The following GRIK4 variants were observed in gnomAD, a reference collection of about 807,000 sequenced individuals.
GRIK4 encodes glutamate receptor ionotropic, kainate 4.
A neutral mutation model predicts 104.9 loss-of-function variants in GRIK4; 40 were observed. The observed-to-expected ratio is 0.38, with a 90% confidence interval of 0.30 to 0.50. GRIK4 has a LOEUF of 0.50. Among genes scored for constraint, GRIK4 ranks in the 20% least tolerant of loss-of-function variants. The pLI is 0.93. For missense variants in GRIK4, 1,047 were observed against 1,308.1 expected (o/e 0.80, Z 3.08); for synonymous variants, 485 against 524.9 (o/e 0.92, Z 1.04).
In GRIK4 at chr11:120,704,739, T is replaced by C. The variant is rs569338375; in HGVS notation, c.82+44339T>C. 2.0e-5 allele frequency among the ~76,000 whole-genome samples: 3 copies of C among 152,268 alleles called. No homozygotes were observed. The South Asian group carries it at 6.2e-4, about 32-fold the overall frequency. On this transcript the variant is annotated intron_variant, in intron 3 of 20. Transcript: ENST00000527524. ...TGTACAACATAACTCTGCAAACTTT[T>C]TTTTTTTTTTGTAAAGGACCAAAGA...
At chr11:120,580,243 CTTT>C (rs1948557302) in intron 1 of GRIK4, among the ~76,000 whole-genome samples, 1 of 132,112 alleles carries the variant, frequency 7.6e-6, no homozygotes, top group African/African-American at 3.1e-5. Flanking sequence ...TTCTTTCTTT[CTTT>C]CTTTCTTTTT....
At chr11:120,585,323 C>T (rs1425064368) in intron 1 of GRIK4, among the ~76,000 whole-genome samples, 1 of 150,402 alleles carries the variant, frequency 6.6e-6, no homozygotes, top group Non-Finnish European at 1.5e-5. Context: ...TCTTTTCATT[C>T]TCTCTCTCCC....
chr11:120,590,898 A>T (rs1008314354), intron 1 of GRIK4, among the ~76,000 whole-genome samples: 2 of 152,104 alleles, frequency 1.3e-5, no homozygotes, highest in Non-Finnish European at 2.9e-5. Flanking sequence ...TTGAGGGTTA[A>T]GGGACTTAAC....
At chr11:120,919,678 C>T (rs149989811) in intron 13 of GRIK4, among the ~76,000 whole-genome samples, 1 of 152,122 alleles carries the variant, frequency 6.6e-6, no homozygotes, top group Non-Finnish European at 1.5e-5. Context: ...GCAAAGAGAC[C>T]AGTGCAGAAG....
At chr11:120,981,710 A>G (rs1944655544) in intron 19 of GRIK4, among the ~76,000 whole-genome samples, 1 of 152,184 alleles carries the variant, frequency 6.6e-6, no homozygotes, top group Non-Finnish European at 1.5e-5. Context: ...CAATGTTAGG[A>G]AGATTGAGTA....
rs956822091 is a variant in GRIK4 at position 120,881,780 on chromosome 11, C to T, written c.1164+6537C>T. The stretch of plus-strand genomic sequence containing the variant: ...CACAGAGGCAGCTCTGCCCCCTTTC[C>T]GGGGGAGTTGGGATCCTCCTGCGTT... On this transcript the variant is annotated intron_variant, in intron 11 of 20. Transcript: ENST00000527524. Among the ~76,000 whole-genome samples, 7 of 152,286 alleles carry T rather than the reference C, an allele frequency of 4.6e-5. No individual in the cohort carries two copies. The South Asian group carries it at 1.0e-3, about 23-fold the overall frequency.
At chr11:120,960,812 G>A (rs1408710612) in intron 16 of GRIK4, 97 bp from the exon 17 acceptor site, 19 of 887,930 alleles carry the variant, frequency 2.1e-5, no homozygotes, top group East Asian at 5.1e-5. Context: ...TAAGAAAGAT[G>A]CCTGGTCTCT....
Position 120,744,670 on chromosome 11 carries a change from G to T in GRIK4, c.83-58023G>T, listed in dbSNP as rs75592786. ...AAGTGTGGGGCAGTGCAGGGAAGAA[G>T]AGGTGGCATTTGTATAAAAAGACTC... On this transcript the variant is annotated intron_variant, in intron 3 of 20. Transcript: ENST00000527524. Among the ~76,000 whole-genome samples, 220 of 152,298 alleles carry T rather than the reference G, an allele frequency of 1.4e-3. 2 individuals carry two copies. Among genetic ancestry groups the T allele is most frequent in the African/African-American group, 5.0e-3 (208 of 41,554 alleles).
chr11:120,878,667 G>A (rs773880992), intron 11 of GRIK4, among the ~76,000 whole-genome samples: 1 of 145,892 alleles, frequency 6.9e-6, no homozygotes, highest in Non-Finnish European at 1.5e-5. Flanking sequence ...TTCCCTGTCT[G>A]GTTTAGGTGC....
At chr11:120,839,720 C>T (rs529487075) in intron 8 of GRIK4, among the ~76,000 whole-genome samples, 7 of 152,226 alleles carry the variant, frequency 4.6e-5, no homozygotes, top group South Asian at 2.1e-4. Context: ...TTATTTGTGT[C>T]GGTAATTACT....
intron 15 of GRIK4, among the ~76,000 whole-genome samples, chr11:120,954,524 G>A (rs371414541): frequency 1.2e-3 from 187 of 152,184 alleles, no homozygotes; most frequent in African/African-American, 4.3e-3. Context: ...CCTTGGATGT[G>A]AGCCCTTGCG....
At position 120,787,852 on chromosome 11, in the gene GRIK4, C is replaced by CTTTTTTTTTTTTTTTTTTTT. The variant is rs58523604; in HGVS notation, c.83-14831_83-14812dup. 1.9e-3 allele frequency among the ~76,000 whole-genome samples: 147 copies of CTTTTTTTTTTTTTTTTTTTT among 77,110 alleles called. 13 individuals carry two copies. Among genetic ancestry groups the CTTTTTTTTTTTTTTTTTTTT allele is most frequent in the African/African-American group, 4.1e-3 (66 of 16,214 alleles). The allele number at this position is 77,110 out of a possible 152,430, so 50.6% of individuals were successfully genotyped here. ...TTTCTTCTCTTTTTTCTTTTCTTTT[C>CTTTTTTTTTTTTTTTTTTTT]TTTTTTTTTTTTTTTTTTTTTTTTT... On this transcript the variant is annotated intron_variant, in intron 3 of 20. Transcript: ENST00000527524.
chr11:120,607,461 T>C (rs1948977029), intron 1 of GRIK4, among the ~76,000 whole-genome samples: 1 of 152,110 alleles, frequency 6.6e-6, no homozygotes, highest in African/African-American at 2.4e-5. Context: ...TGTGGGCATC[T>C]GCACGGTGGG....
intron 1 of GRIK4, among the ~76,000 whole-genome samples, chr11:120,530,528 G>C (rs1489934926): frequency 1.3e-5 from 2 of 152,216 alleles, no homozygotes; most frequent in Non-Finnish European, 2.9e-5. Context: ...GGAGGTGGCT[G>C]TTGGCTGGGT....
At chr11:120,904,428 A>G (rs1341950482) in intron 12 of GRIK4, among the ~76,000 whole-genome samples, 1 of 152,102 alleles carries the variant, frequency 6.6e-6, no homozygotes, top group Non-Finnish European at 1.5e-5. Flanking sequence ...GCTTTCTCCA[A>G]TCCAACCTGC....
intron 3 of GRIK4, among the ~76,000 whole-genome samples, chr11:120,684,300 G>A (rs1038845068): frequency 1.3e-5 from 2 of 152,332 alleles, no homozygotes; most frequent in African/African-American, 2.4e-5. Flanking sequence ...TCCCATCTGG[G>A]TGACAGAGCA....
chr11:120,871,662 G>A (rs1395296009), intron 9 of GRIK4: 1 of 456,250 alleles, frequency 2.2e-6, no homozygotes, highest in African/African-American at 2.0e-5. Context: ...CGGAGGCCGA[G>A]GGCAGTGGCC....
chr11:120,791,319 T>C (rs999810999), intron 3 of GRIK4, among the ~76,000 whole-genome samples: 3 of 152,196 alleles, frequency 2.0e-5, no homozygotes, highest in African/African-American at 7.2e-5. Flanking sequence ...TGTAGTAATA[T>C]ATCATTATGG....
At chr11:120,892,462 G>T (rs137861889) in intron 11 of GRIK4, among the ~76,000 whole-genome samples, 30 of 152,272 alleles carry the variant, frequency 2.0e-4, no homozygotes, top group Non-Finnish European at 3.8e-4. Flanking sequence ...AGATCAGTGG[G>T]GATTTTGATT....
Sources: gnomAD v4.1 joint callset for allele counts (sites outside exome capture counted in the v4.1 genomes callset) on GRCh38, gnomAD v4.1.1 for gene constraint, MANE v1.5 for transcripts, NCBI Gene and HGNC (gene_info 2026-07-23, HGNC 2026-07-21) for gene names.